Variants in STPG2 observed in about 807,000 individuals in gnomAD.
STPG2 encodes sperm tail PG-rich repeat containing 2, also known as sperm-tail PG-rich repeat-containing protein 2.
A neutral mutation model predicts 54.2 loss-of-function variants in STPG2; 56 were observed. The observed-to-expected ratio is 1.03, with a 90% CI of 0.83 to 1.29. STPG2 has a LOEUF of 1.29. Among genes scored for constraint, STPG2 ranks in the 50% most tolerant of loss-of-function variants. STPG2 has a pLI of 0.00. For synonymous variants in STPG2, 200 were observed against 181.8 expected, an observed-to-expected ratio of 1.10 and a Z score of -0.81; for missense variants, 596 against 544.9, an observed-to-expected ratio of 1.09 and a Z score of -0.93.
rs1435117598 is a variant in STPG2, at chr4:97,850,165, G to A, written c.1045-9233C>T. 4.1e-5 allele frequency among the ~76,000 whole-genome samples: 6 copies of A among 145,472 alleles called. No homozygotes were observed. In the South Asian group the frequency reaches 6.5e-4, roughly 16 times the overall value. Reference sequence around the variant, plus strand: ...AAACCATCATTCTCAGTAAACTATCGCAAGAACAAAAAATCAAACACCGCG... The same window carrying A: ...AAACCATCATTCTCAGTAAACTATCACAAGAACAAAAAATCAAACACCGCG... On this transcript the variant is annotated intron_variant, in intron 8 of 10. Transcript: ENST00000295268.
chr4:97,667,155 A>G (rs1182985071), intron 10 of STPG2, among the ~76,000 whole-genome samples: 1 of 152,248 alleles, frequency 6.6e-6, no homozygotes, highest in Non-Finnish European at 1.5e-5. Flanking sequence ...AATCATCCAC[A>G]GTGGAAACTA....
intron 8 of STPG2, among the ~76,000 whole-genome samples, chr4:97,891,029 T>C (rs1290668046): frequency 6.6e-6 from 1 of 151,916 alleles, no homozygotes; most frequent in African/African-American, 2.4e-5. Flanking sequence ...GTAGGAGAAC[T>C]GAAACCAAAA....
intron 9 of STPG2, among the ~76,000 whole-genome samples, chr4:97,808,510 C>T (rs557304179): frequency 6.6e-6 from 1 of 151,174 alleles, no homozygotes; most frequent in Admixed American, 6.6e-5. Context: ...TTTTCAAAAT[C>T]CTAAAAATAC....
At chr4:97,961,551 G>A (rs1486768484) in intron 7 of STPG2, among the ~76,000 whole-genome samples, 1 of 152,068 alleles carries the variant, frequency 6.6e-6, no homozygotes, top group Non-Finnish European at 1.5e-5. Context: ...CTGAGGACAT[G>A]AATAGACAAT....
At chr4:97,740,823 A>G (rs1438864784) in intron 9 of STPG2, among the ~76,000 whole-genome samples, 1 of 152,198 alleles carries the variant, frequency 6.6e-6, no homozygotes, top group East Asian at 1.9e-4. Context: ...ATCCCCATCA[A>G]GCTACCAATG....
chr4:97,923,651 T>G (rs1435026495), intron 8 of STPG2, among the ~76,000 whole-genome samples: 1 of 152,076 alleles, frequency 6.6e-6, no homozygotes, highest in East Asian at 1.9e-4. Context: ...CTAGCTAATC[T>G]GTTGGGTACT....
intron 5 of STPG2, among the ~76,000 whole-genome samples, chr4:97,995,696 C>T (rs998966580): frequency 6.6e-6 from 1 of 152,068 alleles, no homozygotes; most frequent in African/African-American, 2.4e-5. Context: ...AGCTGGGAAC[C>T]CTGCATGGGG....
chr4:97,442,613 C>G (rs1275806735), intron 4 of STPG2, among the ~76,000 whole-genome samples: 2 of 151,968 alleles, frequency 1.3e-5, no homozygotes, highest in East Asian at 3.9e-4. Flanking sequence ...TAAAGTTAGA[C>G]AGGGGGCTAG....
At chr4:98,061,910 C>T (rs1481491448) in intron 5 of STPG2, among the ~76,000 whole-genome samples, 1 of 152,226 alleles carries the variant, frequency 6.6e-6, no homozygotes, top group African/African-American at 2.4e-5. Context: ...GAGCTAAAAG[C>T]AGAACAGTCA....
At chr4:97,851,240 A>G (rs1729149768) in intron 8 of STPG2, among the ~76,000 whole-genome samples, 1 of 152,192 alleles carries the variant, frequency 6.6e-6, no homozygotes, top group Admixed American at 6.6e-5. Flanking sequence ...TTTGCACACC[A>G]TTGTATCTCC....
chr4:97,674,886 G>A (rs1722794783), intron 10 of STPG2, among the ~76,000 whole-genome samples: 2 of 152,072 alleles, frequency 1.3e-5, no homozygotes. Context: ...TTTGAAGGAA[G>A]AAATCTTTAG....
intron 10 of STPG2, among the ~76,000 whole-genome samples, chr4:97,637,371 C>T (rs1019200378): frequency 6.6e-6 from 1 of 152,088 alleles, no homozygotes; most frequent in African/African-American, 2.4e-5. Context: ...CTATGACAAA[C>T]CCACAGCCAA....
At chr4:98,067,950 G>A (rs1737884833) in intron 5 of STPG2, among the ~76,000 whole-genome samples, 1 of 152,034 alleles carries the variant, frequency 6.6e-6, no homozygotes, top group Non-Finnish European at 1.5e-5. Flanking sequence ...AACAAAAGCA[G>A]GGTTATTTTT....
At chr4:97,460,442 A>C (rs1052666841) in intron 4 of STPG2, among the ~76,000 whole-genome samples, 2 of 147,540 alleles carry the variant, frequency 1.4e-5, no homozygotes, top group Admixed American at 6.7e-5. Context: ...TTTTATTTTT[A>C]TTTTTTGTAA....
At chr4:98,044,919 T>C (rs1425996413) in intron 5 of STPG2, among the ~76,000 whole-genome samples, 2 of 152,094 alleles carry the variant, frequency 1.3e-5, no homozygotes, top group Admixed American at 1.3e-4. Flanking sequence ...CACAAAATTG[T>C]TTCCCATAAG....
intron 8 of STPG2, among the ~76,000 whole-genome samples, chr4:97,886,989 C>T (rs903723413): frequency 1.3e-5 from 2 of 152,180 alleles, no homozygotes; most frequent in African/African-American, 4.8e-5. Context: ...CCTTTGCCTT[C>T]CACCAGGATC....
chr4:98,072,326 T>C (rs1273177837), intron 5 of STPG2, among the ~76,000 whole-genome samples: 1 of 152,078 alleles, frequency 6.6e-6, no homozygotes. Flanking sequence ...CCAAACATCG[T>C]ATGTTCTCAC....
chr4:97,537,356 C>T (rs1440611534), intron 4 of STPG2, among the ~76,000 whole-genome samples: 1 of 152,216 alleles, frequency 6.6e-6, no homozygotes, highest in Non-Finnish European at 1.5e-5. Flanking sequence ...TAATATTGCA[C>T]ATTTCCAACA....
chr4:97,688,919 A>G (rs1025693601), intron 10 of STPG2, among the ~76,000 whole-genome samples: 1 of 152,230 alleles, frequency 6.6e-6, no homozygotes. Flanking sequence ...AGATATATAC[A>G]TAGCATTTTT....
Sources: gnomAD v4.1 joint callset for allele counts (sites outside exome capture counted in the v4.1 genomes callset) on GRCh38, gnomAD v4.1.1 for gene constraint, MANE v1.5 for transcripts, NCBI Gene and HGNC (gene_info 2026-07-23, HGNC 2026-07-21) for gene names.